The following RNF212B variants were observed in gnomAD, a reference collection of about 807,000 sequenced individuals.
RNF212B encodes ring finger protein 212B.
A neutral mutation model predicts 55.5 loss-of-function variants in RNF212B; 52 were observed. The observed-to-expected ratio is 0.94, with a 90% CI of 0.75 to 1.18. RNF212B has a LOEUF of 1.18. Among genes scored for constraint, RNF212B ranks in the 50% most tolerant of loss-of-function variants. The probability of loss-of-function intolerance (pLI) is 0.00; values close to 1 mark genes in which losing one functional copy is unlikely to be tolerated. For synonymous variants in RNF212B, 99 were observed against 121.4 expected, an observed-to-expected ratio of 0.82 and a Z score of 1.21; for missense variants, 289 against 350.4, an observed-to-expected ratio of 0.82 and a Z score of 1.40.
intron 2 of RNF212B, among the ~76,000 whole-genome samples, chr14:23,229,239 T>TATATATAC (rs1555314073): frequency 4.0e-5 from 3 of 75,350 alleles, no homozygotes; most frequent in Admixed American, 3.8e-4. Flanking sequence ...TATATATATA[T>TATATATAC]ATATATATAT....
upstream of RNF212B, among the ~76,000 whole-genome samples, chr14:23,236,472 GC>G (rs1200879841): frequency 1.3e-5 from 2 of 152,038 alleles, no homozygotes; most frequent in Non-Finnish European, 2.9e-5. Flanking sequence ...CCGAGATGGC[GC>G]CACTGCACTC....
chr14:23,203,482 C>CTTTTTTTT (rs35208170), intron 2 of RNF212B, among the ~76,000 whole-genome samples: 27 of 124,594 alleles, frequency 2.2e-4, no homozygotes, highest in East Asian at 8.6e-4. Context: ...TTTAGTCCCC[C>CTTTTTTTT]TTTTTTTTTT....
chr14:23,213,050 T>C (rs968253417), intron 2 of RNF212B, among the ~76,000 whole-genome samples: 16 of 151,968 alleles, frequency 1.1e-4, no homozygotes, highest in South Asian at 6.3e-4. Flanking sequence ...TGGTGGGTTA[T>C]GCCTGTAATC....
chr14:23,269,197 G>A (rs1487565296), intron 12 of RNF212B, among the ~76,000 whole-genome samples: 3 of 152,118 alleles, frequency 2.0e-5, no homozygotes, highest in East Asian at 1.9e-4. Context: ...CCAGCTACTC[G>A]GGAGGTTGAG....
intron 2 of RNF212B, among the ~76,000 whole-genome samples, chr14:23,227,150 G>A (rs1180558620): frequency 6.6e-6 from 1 of 151,622 alleles, no homozygotes; most frequent in Non-Finnish European, 1.5e-5. Flanking sequence ...ATGAGTCAAG[G>A]GTATATGGAA....
At chr14:23,255,332 T>C (rs776399539) in intron 4 of RNF212B, among the ~76,000 whole-genome samples, 1 of 152,226 alleles carries the variant, frequency 6.6e-6, no homozygotes, top group Non-Finnish European at 1.5e-5. Context: ...TGTAATTTTG[T>C]ATTTTGACAT....
At chr14:23,223,634 C>T (rs113642577) in intron 2 of RNF212B, among the ~76,000 whole-genome samples, 1,987 of 152,270 alleles carry the variant, frequency 0.013, 39 homozygotes, top group African/African-American at 0.043. Context: ...GGATTACAGG[C>T]GTGAGCCACC....
chr14:23,188,086 G>C (rs1010817693), intron 1 of RNF212B: 1 of 152,234 alleles, frequency 6.6e-6, no homozygotes, highest in African/African-American at 2.4e-5. Flanking sequence ...GTCTTCTAGG[G>C]TTTATGCAGT....
chr14:23,230,653 CAAAAAAAAAAAAAAAAA>C (rs60122483), intron 2 of RNF212B, among the ~76,000 whole-genome samples: 17 of 74,002 alleles, frequency 2.3e-4, no homozygotes, highest in Admixed American at 8.7e-4. Context: ...GACTCCATCT[CAAAAAAAAAAAAAAAAA>C]AAAAAAAAAA....
chr14:23,265,634 T>A (rs1885636459), intron 11 of RNF212B, among the ~76,000 whole-genome samples: 3 of 152,250 alleles, frequency 2.0e-5, no homozygotes, highest in Admixed American at 2.0e-4. Flanking sequence ...TTCTGTCAGG[T>A]TGGTAACAAC....
chr14:23,226,570 G>C (rs189881835), intron 2 of RNF212B, among the ~76,000 whole-genome samples: 3 of 151,994 alleles, frequency 2.0e-5, no homozygotes, highest in Admixed American at 2.0e-4. Flanking sequence ...GGCGGAGCTT[G>C]CAGTGAGCCG....
intron 2 of RNF212B, among the ~76,000 whole-genome samples, chr14:23,200,084 T>C (rs552434383): frequency 9.5e-4 from 144 of 152,008 alleles, no homozygotes; most frequent in Non-Finnish European, 1.0e-3. Context: ...AAACATTTTT[T>C]TCTCTCTCTC....
At chr14:23,257,673 G>T (rs1884946972) in intron 4 of RNF212B, among the ~76,000 whole-genome samples, 1 of 152,138 alleles carries the variant, frequency 6.6e-6, no homozygotes, top group South Asian at 2.1e-4. Context: ...ATTAACTTTT[G>T]ATCCGATTCA....
At chr14:23,261,696 T>C (rs1885302929) in intron 7 of RNF212B, among the ~76,000 whole-genome samples, 1 of 152,208 alleles carries the variant, frequency 6.6e-6, no homozygotes, top group Non-Finnish European at 1.5e-5. Context: ...GTGTGGTGGC[T>C]CACACCCGTA....
intron 1 of RNF212B, among the ~76,000 whole-genome samples, chr14:23,186,376 T>C (rs1205019526): frequency 1.3e-5 from 2 of 151,374 alleles, no homozygotes; most frequent in Non-Finnish European, 1.5e-5. Context: ...GGAGTCTCGC[T>C]CTGCTGCTCT....
At chr14:23,241,336 A>G (rs1883549728) in intron 2 of RNF212B, among the ~76,000 whole-genome samples, 1 of 152,186 alleles carries the variant, frequency 6.6e-6, no homozygotes, top group Non-Finnish European at 1.5e-5. Flanking sequence ...AGGCTAGTGA[A>G]GTAGGCAGTG....
chr14:23,194,649 C>T (rs1435319975), intron 2 of RNF212B, among the ~76,000 whole-genome samples: 15 of 145,516 alleles, frequency 1.0e-4, no homozygotes, highest in African/African-American at 2.8e-4. Context: ...GCATGAGAAT[C>T]GCATGAGCCC....
intron 2 of RNF212B, among the ~76,000 whole-genome samples, chr14:23,229,262 A>ATAT (rs1882343233): frequency 8.6e-6 from 1 of 116,144 alleles, no homozygotes; most frequent in Admixed American, 8.4e-5. Context: ...ATATATATAT[A>ATAT]CCACATTGTT....
At chr14:23,244,514 G>A in intron 4 of RNF212B, 118 bp downstream of exon 4, 1 of 563,696 alleles carries the variant, frequency 1.8e-6, no homozygotes, top group Non-Finnish European at 3.1e-6. Context: ...GAAATTGACT[G>A]CTTTCTTTGC....
Sources: allele counts gnomAD v4.1 joint callset (sites outside exome capture counted in the v4.1 genomes callset), GRCh38; gene constraint gnomAD v4.1.1; transcripts MANE v1.5; gene names NCBI Gene and HGNC (gene_info 2026-07-23, HGNC 2026-07-21).